Variants in ACCSL observed in about 807,000 individuals in gnomAD.
ACCSL encodes the protein probable inactive 1-aminocyclopropane-1-carboxylate synthase-like protein 2.
A neutral mutation model predicts 61.7 loss-of-function variants in ACCSL; 55 were observed. The observed-to-expected ratio is 0.89, with a 90% CI of 0.72 to 1.12. The LOEUF (loss-of-function observed/expected upper bound fraction) is 1.12, where lower values mean the gene tolerates loss of function less well. ACCSL is among the 50% of genes most tolerant of loss of function. The pLI, the probability that ACCSL is intolerant of heterozygous loss-of-function variation, is 0.00. For synonymous variants in ACCSL, 258 were observed against 264.3 expected (o/e 0.98, Z 0.23); for missense variants, 632 against 698.0 (o/e 0.91, Z 1.07).
the ACCSL span, among the ~76,000 whole-genome samples, chr11:44,004,644 A>G: frequency 1.3e-5 from 2 of 152,176 alleles, no homozygotes; most frequent in African/African-American, 4.8e-5. Context: ...GGGCTTGCCC[A>G]AGGTCAAGTA....
At chr11:44,051,490 A>G (rs1952638784) in intron 4 of ACCSL, 86 bp downstream of exon 4, 1 of 1,571,408 alleles carries the variant, frequency 6.4e-7, no homozygotes, top group Non-Finnish European at 8.8e-7. Context: ...GGGTACAAGG[A>G]GAACCAGTGA....
the ACCSL span, among the ~76,000 whole-genome samples, chr11:44,008,849 C>T: frequency 6.6e-6 from 1 of 152,136 alleles, no homozygotes; most frequent in South Asian, 2.1e-4. Context: ...TGTATTAAAC[C>T]CTGTTTACAG....
At chr11:44,040,076 T>C in the ACCSL span, among the ~76,000 whole-genome samples, 1 of 152,248 alleles carries the variant, frequency 6.6e-6, no homozygotes, top group Non-Finnish European at 1.5e-5. Context: ...CAGATTGGGA[T>C]CCAGCTCTCC....
chr11:44,026,200 GT>G, the ACCSL span, among the ~76,000 whole-genome samples: 3 of 152,100 alleles, frequency 2.0e-5, no homozygotes, highest in African/African-American at 7.2e-5. Flanking sequence ...ACAGGTCTCT[GT>G]TTGGTTTTCT....
At chr11:44,053,592 G>A (rs997860891) in intron 8 of ACCSL, 86 bp downstream of exon 8, 2 of 1,268,694 alleles carry the variant, frequency 1.6e-6, no homozygotes, top group Admixed American at 3.5e-5. Context: ...GCCAGATCTG[G>A]TGGCACATGC....
At chr11:43,943,590 C>CA in the ACCSL span, 1 of 1,310,142 alleles carries the variant, frequency 7.6e-7, no homozygotes, top group Non-Finnish European at 1.0e-6. The surrounding 1 kb of genome is among the most constrained non-coding windows in gnomAD (Gnocchi z 4.8). Flanking sequence ...GGCGGGTAGC[C>CA]ACTCCATGCC....
chr11:43,926,341 G>T, the ACCSL span: 1 of 305,996 alleles, frequency 3.3e-6, no homozygotes. Flanking sequence ...GTCCCCTTGG[G>T]GTCAGTTCTT....
the ACCSL span, among the ~76,000 whole-genome samples, chr11:44,040,943 G>A: frequency 1.3e-5 from 2 of 152,166 alleles, no homozygotes; most frequent in African/African-American, 4.8e-5. Context: ...CCCTTTCCAC[G>A]TCCTACTCGT....
At chr11:44,055,074 T>A in intron 8 of ACCSL, 128 bp from the exon 9 acceptor site, 1 of 634,284 alleles carries the variant, frequency 1.6e-6, no homozygotes, top group East Asian at 2.8e-5. Context: ...TAGGAGTGCA[T>A]GATCTGTGTC....
At chr11:44,012,825 G>A in the ACCSL span, among the ~76,000 whole-genome samples, 2 of 152,176 alleles carry the variant, frequency 1.3e-5, no homozygotes, top group Admixed American at 6.5e-5. Flanking sequence ...TCCATGTGGT[G>A]AAATGTTATG....
chr11:44,041,937 T>C, the ACCSL span, among the ~76,000 whole-genome samples: 2 of 152,312 alleles, frequency 1.3e-5, no homozygotes, highest in South Asian at 2.1e-4. Flanking sequence ...TTAGCATCTA[T>C]AGATATAATT....
chr11:43,988,236 A>T, the ACCSL span, among the ~76,000 whole-genome samples: 1 of 149,336 alleles, frequency 6.7e-6, no homozygotes, highest in East Asian at 2.0e-4. Flanking sequence ...GCTAGGGGGA[A>T]CCCTGGCAGG....
At chr11:43,947,094 G>C in the ACCSL span, 5 of 152,276 alleles carry the variant, frequency 3.3e-5, no homozygotes, top group Non-Finnish European at 5.9e-5. Context: ...ATCTTCTTCT[G>C]GTGAGGCCTT....
At chr11:44,028,752 G>A in the ACCSL span, among the ~76,000 whole-genome samples, 3 of 152,170 alleles carry the variant, frequency 2.0e-5, no homozygotes, top group Admixed American at 6.5e-5. Flanking sequence ...CAGTCTCCTT[G>A]TCTGTAAAAT....
At chr11:43,996,639 G>T in the ACCSL span, among the ~76,000 whole-genome samples, 4 of 152,082 alleles carry the variant, frequency 2.6e-5, no homozygotes, top group Admixed American at 6.6e-5. Context: ...TGCTTTTAAG[G>T]CCTCCAGTGG....
Position 44,059,841 on chromosome 11 carries a change from T to A in ACCSL, c.1628T>A (p.Met543Lys), listed in dbSNP as rs751206240. 1.5e-5 allele frequency: 24 copies of A among 1,613,398 alleles called. No homozygotes were observed. In the South Asian group the frequency reaches 2.6e-4, roughly 18 times the overall value. The change falls in exon 14 of 14, where the codon ATG becomes AAG. Residue 543 changes from methionine (M) to lysine (K), a missense_variant. Transcript: ENST00000378832. ...TGTCCCCATTTGAACCCTCTAGCTA[T>A]GCGTCGGTTCTGTGATGTGCTGCAG... is the stretch of plus-strand genomic sequence containing the variant. ...ADELPRLKLA[M>K]RRFCDVLQEQ... is the part of the protein sequence containing the mutation.
At chr11:44,000,559 A>G in the ACCSL span, among the ~76,000 whole-genome samples, 1 of 134,026 alleles carries the variant, frequency 7.5e-6, no homozygotes, top group African/African-American at 2.7e-5. Flanking sequence ...CAAAATTGTA[A>G]AACAAACAAA....
chr11:43,979,090 A>G, the ACCSL span, among the ~76,000 whole-genome samples: 1 of 152,112 alleles, frequency 6.6e-6, no homozygotes, highest in Non-Finnish European at 1.5e-5. Context: ...GAGGATTTTT[A>G]TGCCTGGCCA....
chr11:43,998,063 C>A, the ACCSL span, among the ~76,000 whole-genome samples: 2 of 152,178 alleles, frequency 1.3e-5, no homozygotes, highest in African/African-American at 4.8e-5. Flanking sequence ...CCACTTTCTG[C>A]GTATCTTTGG....
Sources: allele counts gnomAD v4.1 joint callset (sites outside exome capture counted in the v4.1 genomes callset), GRCh38; gene constraint gnomAD v4.1.1; non-coding constraint Gnocchi (gnomAD v3.1); transcripts MANE v1.5; gene names NCBI Gene and HGNC (gene_info 2026-07-23, HGNC 2026-07-21).